NOB1: variants seen among roughly 807,000 people sequenced by gnomAD.
NOB1 encodes NIN1 (RPN12) binding protein 1 homolog.
NOB1 carries 44 observed loss-of-function variants against 44.8 expected under a neutral mutation model. The ratio of observed to expected loss-of-function variants is 0.98; its 90% CI spans 0.77 to 1.26. The LOEUF (loss-of-function observed/expected upper bound fraction) is 1.26, where lower values mean the gene tolerates loss of function less well. Ranked by LOEUF, NOB1 falls within the 50% of genes most tolerant of loss-of-function variation. The probability of loss-of-function intolerance (pLI) is 0.00; values close to 1 mark genes in which losing one functional copy is unlikely to be tolerated. For synonymous variants in NOB1, 238 were observed against 218.7 expected, an observed-to-expected ratio of 1.09 and a Z score of -0.78; for missense variants, 560 against 544.8, an observed-to-expected ratio of 1.03 and a Z score of -0.28.
chr16:69,744,870 C>T lies in NOB1; in HGVS notation c.969+3G>A. 1 of 1,612,284 alleles carries T rather than the reference C, an allele frequency of 6.2e-7. No homozygotes were observed. Among genetic ancestry groups the T allele is most frequent in the Non-Finnish European group, 8.5e-7 (1 of 1,179,752 alleles). Reference sequence around the variant, plus strand: ...GGAGGGGACTGGGAGAGGCGCCACTCACCCGGAGGCCGCGGGGGTTCAGCA... The same window carrying T: ...GGAGGGGACTGGGAGAGGCGCCACTTACCCGGAGGCCGCGGGGGTTCAGCA... On this transcript the variant is annotated splice_donor_region_variant and intron_variant, in intron 8 of 8. Coordinates refer to ENST00000268802, the MANE Select transcript of NOB1 (RefSeq NM_014062.3).
intron 7 of NOB1, among the ~76,000 whole-genome samples, chr16:69,747,547 T>G (rs1434540650): frequency 8.6e-5 from 13 of 151,890 alleles, no homozygotes; most frequent in Admixed American, 8.5e-4. Flanking sequence ...CCCCCCAGCT[T>G]CAAAAACTAT....
intron 8 of NOB1, among the ~76,000 whole-genome samples, chr16:69,744,569 G>A (rs556994644): frequency 6.6e-6 from 1 of 152,104 alleles, no homozygotes; most frequent in East Asian, 1.9e-4. Flanking sequence ...GTTCCTCTCT[G>A]CGTCATGGGC....
intron 8 of NOB1, among the ~76,000 whole-genome samples, chr16:69,744,021 T>A (rs2038407561): frequency 6.6e-6 from 1 of 152,180 alleles, no homozygotes; most frequent in Admixed American, 6.5e-5. Context: ...GAAATCCAGG[T>A]GACGGGTAAA....
At chr16:69,750,097 A>T (rs2038470587) in intron 3 of NOB1, among the ~76,000 whole-genome samples, 1 of 146,124 alleles carries the variant, frequency 6.8e-6, no homozygotes, top group African/African-American at 2.5e-5. Flanking sequence ...TCCGACTCCC[A>T]GGTTCAAGCG....
In NOB1 at chr16:69,742,164, G is replaced by C; in HGVS notation, c.*168C>G. ...TCCGGTGCTCACAGGCCATGGGACA[G>C]TCCAGTTCCCTGCAGACCCAGCGGG... On this transcript the variant is annotated 3_prime_UTR_variant, in exon 9 of 9. Coordinates refer to ENST00000268802, the MANE Select transcript of NOB1 (RefSeq NM_014062.3). 1 of 829,012 alleles carries C rather than the reference G, an allele frequency of 1.2e-6. No homozygotes were observed. Among genetic ancestry groups the C allele is most frequent in the South Asian group, 1.8e-5 (1 of 55,190 alleles). The allele number at this position is 829,012 out of a possible 1,614,324, so 51.4% of individuals were successfully genotyped here. A position where few individuals can be genotyped will look rare whatever the true frequency, so the allele number is the denominator to read the frequency against.
chr16:69,746,010 C>T lies in NOB1; in HGVS notation c.825-993G>A, dbSNP rs143482248. On this transcript the variant is annotated intron_variant, in intron 7 of 8. Coordinates refer to ENST00000268802, the MANE Select transcript of NOB1 (RefSeq NM_014062.3). Reference sequence around the variant, plus strand: ...AAATGGAATTTTATGAAGCCAGGAGCTTTACTATCATGAGCCTGACGCAGC... The same window carrying T: ...AAATGGAATTTTATGAAGCCAGGAGTTTTACTATCATGAGCCTGACGCAGC... Among the ~76,000 whole-genome samples the T allele has an allele frequency of 1.2e-3, 184 of 152,330 alleles. 1 individual carries two copies. The highest frequency in any genetic ancestry group is 4.1e-3 in the African/African-American group (172 of 41,586).
At chr16:69,753,100 T>C (rs1407159378) in intron 2 of NOB1, among the ~76,000 whole-genome samples, 2 of 152,076 alleles carry the variant, frequency 1.3e-5, no homozygotes, top group Non-Finnish European at 2.9e-5. Context: ...CGTGTGCCTG[T>C]AGTCCCAGCT....
chr16:69,748,411 C>G, intron 6 of NOB1, 82 bp from the exon 7 acceptor site: 1 of 1,292,086 alleles, frequency 7.7e-7, no homozygotes, highest in Non-Finnish European at 1.1e-6. Flanking sequence ...TTCACAAACC[C>G]TGCCTTGCCC....
In NOB1 at chr16:69,754,674, T is replaced by C. The variant is rs2038510645; in HGVS notation, c.116A>G (p.Asp39Gly). The C allele has an allele frequency of 6.2e-7, 1 of 1,614,068 alleles. No individual in the cohort carries two copies. Among genetic ancestry groups the C allele is most frequent in the African/African-American group, 1.3e-5 (1 of 74,926 alleles). ...AGCGAGCCGCCTGCGTGTGGCCTTG[T>C]CCCGAATCTCAGTGACCACCTCCCG... The part of the protein sequence containing the change: ...TIREVVTEIR[D>G]KATRRRLAVL... The change falls in exon 2 of 9, where the codon GAC (aspartate) becomes GGC (glycine). Residue 39 changes from aspartate (D) to glycine (G), a missense_variant. Asp to Gly is a moderately conservative substitution (Grantham distance 94). Transcript: ENST00000268802.
At position 69,742,554 on chromosome 16, in the gene NOB1, A is replaced by G. The variant is rs760157163; in HGVS notation, c.1017T>C (p.His339=). 16 of 1,614,010 alleles carry G rather than the reference A, an allele frequency of 9.9e-6. No homozygotes were observed. In the Admixed American group the frequency reaches 2.7e-4, roughly 27 times the overall value. The change falls in exon 9 of 9, where the codon CAT becomes CAC. Residue 339 remains histidine (H), a synonymous_variant. Transcript: ENST00000268802. ...GAGGGAAGCGCTGATCCTCGGTGAG[A>G]TGGGGGTTGATGGCGTATTTGCCCC... ...PKGGKYAINP[H]LTEDQRFPQL...
In NOB1 at chr16:69,742,419, G is replaced by C; in HGVS notation, c.1152C>G (p.Thr384=). The part of the protein sequence containing the change: ...VENDISSRSA[T]LQVRDSTLGA... The stretch of plus-strand genomic sequence containing the variant: ...CCAAGGTGCTGTCCCGGACCTGCAG[G>C]GTAGCTGAGCGGCTGGAGATGTCAT... Residue 384 remains threonine, a synonymous_variant, in exon 9 of 9, where the codon ACC becomes ACG. Coordinates refer to ENST00000268802, the MANE Select transcript of NOB1 (RefSeq NM_014062.3). The C allele has an allele frequency of 1.2e-6, 2 of 1,614,222 alleles. No homozygotes were observed. The highest frequency in any genetic ancestry group is 2.2e-5 in the East Asian group (1 of 44,888).
chr16:69,744,974 T>TC lies in NOB1; in HGVS notation c.867dup (p.Asn290GlufsTer76), dbSNP rs1046581842. ...ACGGACACTTTCTTCAGGGTCTTGT[T>TC]CCCACAGTGTGAGCAGAACACTCGG... On this transcript the variant is annotated frameshift_variant, in exon 8 of 9. Transcript: ENST00000268802. LOFTEE classifies it high-confidence loss of function. The TC allele has an allele frequency of 6.2e-7, 1 of 1,614,118 alleles. No homozygotes were observed. Among genetic ancestry groups the TC allele is most frequent in the Non-Finnish European group, 8.5e-7 (1 of 1,180,022 alleles).
In NOB1 at chr16:69,742,112, G is replaced by A; in HGVS notation, c.*220C>T. ...TTGTTCTTTCTGTTTTTATGCAATT[G>A]CACTTCCTTGGCAGGCAGCCAGGCG... On this transcript the variant is annotated 3_prime_UTR_variant, in exon 9 of 9. Transcript: ENST00000268802. The A allele has an allele frequency of 2.0e-6, 1 of 511,770 alleles. No homozygotes were observed. Among genetic ancestry groups the A allele is most frequent in the Non-Finnish European group, 3.5e-6 (1 of 289,030 alleles). The allele number at this position is 511,770 out of a possible 1,614,324, so 31.7% of individuals were successfully genotyped here.
At chr16:69,748,830 C>T (rs1250445375) in intron 6 of NOB1, 88 bp downstream of exon 6, 2 of 1,214,704 alleles carry the variant, frequency 1.6e-6, no homozygotes, top group Non-Finnish European at 2.3e-6. Context: ...AAGCGCTGCA[C>T]AGCACCAGTT....
rs1203166067 is a variant in NOB1 at position 69,742,186 on chromosome 16, C to G, written c.*146G>C. 2 of 1,027,262 alleles carry G rather than the reference C, an allele frequency of 1.9e-6. No individual in the cohort carries two copies. The highest frequency in any genetic ancestry group is 2.8e-5 in the Admixed American group (1 of 36,144). The allele number at this position is 1,027,262 out of a possible 1,614,324, so 63.6% of individuals were successfully genotyped here. A position where few individuals can be genotyped will look rare whatever the true frequency, so the allele number is the denominator to read the frequency against. ...ACAGTCCAGTTCCCTGCAGACCCAG[C>G]GGGGCATGGGCGGACAGAGCCGCAC... On this transcript the variant is annotated 3_prime_UTR_variant, in exon 9 of 9. Transcript: ENST00000268802.
intron 3 of NOB1, among the ~76,000 whole-genome samples, chr16:69,751,587 G>C (rs185565614): frequency 6.6e-6 from 1 of 152,178 alleles, no homozygotes; most frequent in Admixed American, 6.5e-5. Flanking sequence ...ACAAACAAAC[G>C]CTTTAACATT....
Position 69,754,871 on chromosome 16 carries a change from A to C in NOB1, c.40T>G (p.Phe14Val), listed in dbSNP as rs1277862380. ...VEHVVADAGA[F>V]LRHAALQDIG... ...ACCTGCAGAGCCGCATGCCGCAGGA[A>C]AGCCCCAGCATCCGCCACAACGTGC... is the stretch of plus-strand genomic sequence containing the variant. Residue 14 changes from phenylalanine to valine, a missense_variant, in exon 1 of 9, where the codon TTC becomes GTC. Physicochemically the swap from Phe to Val is conservative, Grantham distance 50 (BLOSUM62 -1). Transcript: ENST00000268802. 1 of 1,597,776 alleles carries C rather than the reference A, an allele frequency of 6.3e-7. No homozygotes were observed. Among genetic ancestry groups the C allele is most frequent in the South Asian group, 1.1e-5 (1 of 89,384 alleles).
At chr16:69,752,110 C>T (rs1165476305) in intron 3 of NOB1, 131 bp downstream of exon 3, 7 of 796,308 alleles carry the variant, frequency 8.8e-6, no homozygotes, top group Non-Finnish European at 1.4e-5. Flanking sequence ...TAGATGAATA[C>T]AGACTAGCTA....
At chr16:69,747,697 C>A (rs1428997432) in intron 7 of NOB1, among the ~76,000 whole-genome samples, 1 of 152,136 alleles carries the variant, frequency 6.6e-6, no homozygotes, top group Non-Finnish European at 1.5e-5. Context: ...TGTTCCAGAA[C>A]CCATGTCCCT....
Sources: allele counts gnomAD v4.1 joint callset (sites outside exome capture counted in the v4.1 genomes callset), GRCh38; gene constraint gnomAD v4.1.1; transcripts MANE v1.5; gene names NCBI Gene and HGNC (gene_info 2026-07-23, HGNC 2026-07-21).